The following RSRC1 variants were observed in gnomAD, a reference collection of about 807,000 sequenced individuals.
RSRC1 encodes arginine and serine rich coiled-coil 1.
RSRC1 carries 39 observed loss-of-function variants against 49.1 expected under a neutral mutation model. That is an observed-to-expected ratio of 0.79 (90% CI 0.61 to 1.04). RSRC1 has a LOEUF of 1.04. Among genes scored for constraint, RSRC1 ranks in the 50% least tolerant of loss-of-function variants. The probability of loss-of-function intolerance (pLI) is 0.00; values close to 1 mark genes in which losing one functional copy is unlikely to be tolerated. For missense variants in RSRC1, 388 were observed against 402.4 expected, an observed-to-expected ratio of 0.96 and a Z score of 0.31; for synonymous variants, 143 against 130.8, an observed-to-expected ratio of 1.09 and a Z score of -0.63.
intron 6 of RSRC1, among the ~76,000 whole-genome samples, chr3:158,432,173 G>T (rs758724597): frequency 6.6e-6 from 1 of 151,898 alleles, no homozygotes; most frequent in Non-Finnish European, 1.5e-5. Flanking sequence ...CTCCGGCTAT[G>T]TTCTGCGCCT....
intron 6 of RSRC1, among the ~76,000 whole-genome samples, chr3:158,416,039 A>G (rs1734720530): frequency 6.6e-6 from 1 of 152,062 alleles, no homozygotes; most frequent in Non-Finnish European, 1.5e-5. Flanking sequence ...ATCAGAGGGT[A>G]TAACACATAC....
At chr3:158,154,266 A>G (rs939241771) in intron 3 of RSRC1, among the ~76,000 whole-genome samples, 4 of 152,190 alleles carry the variant, frequency 2.6e-5, no homozygotes, top group African/African-American at 9.6e-5. Flanking sequence ...TCGGTGAGTC[A>G]TAATCTTTTT....
chr3:158,263,830 G>C (rs1725026050), intron 4 of RSRC1, among the ~76,000 whole-genome samples: 1 of 152,070 alleles, frequency 6.6e-6, no homozygotes, highest in Non-Finnish European at 1.5e-5. Flanking sequence ...ACATAAAGCT[G>C]TTTAGGATGT....
At chr3:158,538,409 G>T (rs968451993) in intron 8 of RSRC1, among the ~76,000 whole-genome samples, 8 of 151,784 alleles carry the variant, frequency 5.3e-5, no homozygotes, top group African/African-American at 1.9e-4. Flanking sequence ...CATAAATGTA[G>T]TTGCCCATTT....
intron 7 of RSRC1, among the ~76,000 whole-genome samples, chr3:158,478,124 G>A: frequency 6.6e-6 from 1 of 151,418 alleles, no homozygotes; most frequent in Non-Finnish European, 1.5e-5. Flanking sequence ...CAGCATTAGT[G>A]AATTTGGATT....
At chr3:158,144,997 ATTTG>A (rs1388758218) in intron 3 of RSRC1, among the ~76,000 whole-genome samples, 5 of 151,984 alleles carry the variant, frequency 3.3e-5, no homozygotes, top group African/African-American at 1.2e-4. Flanking sequence ...TTTCTTGTAA[ATTTG>A]TTTGAGTTCT....
chr3:158,152,009 C>A (rs1717569510), intron 3 of RSRC1, among the ~76,000 whole-genome samples: 1 of 151,788 alleles, frequency 6.6e-6, no homozygotes, highest in African/African-American at 2.4e-5. Flanking sequence ...GGTATTAAAT[C>A]TCTGTCTAGT....
intron 3 of RSRC1, among the ~76,000 whole-genome samples, chr3:158,151,620 A>T (rs956354794): frequency 6.6e-6 from 1 of 152,182 alleles, no homozygotes; most frequent in Non-Finnish European, 1.5e-5. Flanking sequence ...CATCAAATAA[A>T]TGCCAACTAG....
intron 4 of RSRC1, among the ~76,000 whole-genome samples, chr3:158,229,930 A>G (rs1265401641): frequency 2.0e-5 from 3 of 152,032 alleles, no homozygotes; most frequent in African/African-American, 7.2e-5. Flanking sequence ...GTACAATATG[A>G]TTTTCTAAGC....
chr3:158,130,052 G>A (rs1715914292), intron 3 of RSRC1, among the ~76,000 whole-genome samples: 1 of 152,178 alleles, frequency 6.6e-6, no homozygotes, highest in Non-Finnish European at 1.5e-5. Context: ...TACAGTTCTG[G>A]TGCCTGGGAG....
At chr3:158,180,054 T>A (rs983908408) in intron 3 of RSRC1, among the ~76,000 whole-genome samples, 10 of 152,204 alleles carry the variant, frequency 6.6e-5, no homozygotes, top group African/African-American at 2.4e-4. Context: ...TTAACTTGTT[T>A]TGTCCTTTTT....
chr3:158,382,588 C>G (rs535223680), intron 6 of RSRC1, among the ~76,000 whole-genome samples: 5 of 152,082 alleles, frequency 3.3e-5, no homozygotes, highest in South Asian at 2.1e-4. Flanking sequence ...CCAGCTACCC[C>G]CTACCCCCAG....
At chr3:158,506,524 G>A (rs114427997) in intron 7 of RSRC1, among the ~76,000 whole-genome samples, 2,051 of 152,022 alleles carry the variant, frequency 0.013, 46 homozygotes, top group African/African-American at 0.042. Context: ...CAGAATAGAC[G>A]TTCCTGAAAA....
At chr3:158,434,411 C>T (rs1407499272) in intron 6 of RSRC1, among the ~76,000 whole-genome samples, 1 of 151,802 alleles carries the variant, frequency 6.6e-6, no homozygotes, top group Non-Finnish European at 1.5e-5. Flanking sequence ...AGCTATTCAT[C>T]GTGCTGAAGT....
chr3:158,413,656 C>T (rs375540992), intron 6 of RSRC1, among the ~76,000 whole-genome samples: 2 of 147,728 alleles, frequency 1.4e-5, no homozygotes, highest in East Asian at 4.0e-4. Flanking sequence ...AAAAAAAAAG[C>T]CCATTAAAAA....
chr3:158,450,553 G>T (rs185290317), intron 6 of RSRC1, among the ~76,000 whole-genome samples: 1 of 151,964 alleles, frequency 6.6e-6, no homozygotes, highest in Admixed American at 6.6e-5. Flanking sequence ...TGAGGAATAA[G>T]AACTTAACGG....
chr3:158,124,071 C>T (rs543370814), intron 3 of RSRC1, 80 bp downstream of exon 3: 2 of 1,037,500 alleles, frequency 1.9e-6, no homozygotes, highest in South Asian at 2.1e-5. Context: ...CATTTATTTT[C>T]TTATAATTAT....
chr3:158,306,288 T>A (rs749431475), intron 5 of RSRC1, among the ~76,000 whole-genome samples: 1 of 151,950 alleles, frequency 6.6e-6, no homozygotes, highest in African/African-American at 2.4e-5. Flanking sequence ...AGCTTTTTTT[T>A]AACATGTAAA....
chr3:158,215,078 G>T (rs146166712), intron 4 of RSRC1, among the ~76,000 whole-genome samples: 7 of 151,372 alleles, frequency 4.6e-5, no homozygotes, highest in African/African-American at 1.2e-4. Flanking sequence ...GGTTTTATTT[G>T]GTGTATGTTT....
Sources: gnomAD v4.1 joint callset for allele counts (sites outside exome capture counted in the v4.1 genomes callset) on GRCh38, gnomAD v4.1.1 for gene constraint, MANE v1.5 for transcripts, NCBI Gene and HGNC (gene_info 2026-07-23, HGNC 2026-07-21) for gene names.